The following CACNA2D1 variants were observed in gnomAD, a reference collection of about 807,000 sequenced individuals.
CACNA2D1 encodes voltage-dependent calcium channel subunit alpha-2/delta-1.
A neutral mutation model predicts 171.5 loss-of-function variants in CACNA2D1; 53 were observed. The observed-to-expected ratio is 0.31, with a 90% CI of 0.25 to 0.39. The LOEUF is 0.39. CACNA2D1 is among the 10% of genes least tolerant of loss of function. The pLI, the probability that CACNA2D1 is intolerant of heterozygous loss-of-function variation, is 1.00. For synonymous variants in CACNA2D1, 442 were observed against 443.1 expected (o/e 1.00, Z 0.03); for missense variants, 903 against 1,299.8 (o/e 0.69, Z 4.69).
intron 6 of CACNA2D1, among the ~76,000 whole-genome samples, chr7:82,102,317 G>A (rs1812771401): frequency 6.6e-6 from 1 of 151,950 alleles, no homozygotes. Flanking sequence ...AAAAAATCCT[G>A]AGAAGCAGAG....
intron 1 of CACNA2D1, among the ~76,000 whole-genome samples, chr7:82,366,878 C>T (rs1337877638): frequency 7.1e-6 from 1 of 140,502 alleles, no homozygotes; most frequent in Non-Finnish European, 1.6e-5. Flanking sequence ...CCTCCACAGC[C>T]CTGCCAGCAT....
Position 82,282,394 on chromosome 7 carries a change from G to GA in CACNA2D1, c.294+52740dup, listed in dbSNP as rs1386554338. Among the ~76,000 whole-genome samples the GA allele has an allele frequency of 1.3e-5, 2 of 152,174 alleles. 1 individual carries two copies. The highest frequency in any genetic ancestry group is 2.9e-5 in the Non-Finnish European group (2 of 68,030). On this transcript the variant is annotated intron_variant, in intron 3 of 38. Transcript: ENST00000356860. ...AGGGAAGTTGGGGAATATCGGAATT[G>GA]AAAATACCCAGTATGCTCCCAACAA...
chr7:81,951,314 A>C (rs2129949175), intron 38 of CACNA2D1, among the ~76,000 whole-genome samples: 1 of 152,180 alleles, frequency 6.6e-6, no homozygotes, highest in Non-Finnish European at 1.5e-5. Context: ...ATTCCTTTTA[A>C]CATAGTGAAT....
intron 3 of CACNA2D1, among the ~76,000 whole-genome samples, chr7:82,325,510 T>G (rs1217252522): frequency 6.6e-6 from 1 of 152,108 alleles, no homozygotes; most frequent in East Asian, 1.9e-4. Context: ...ACAGACTGCT[T>G]TGATTTAACT....
intron 3 of CACNA2D1, among the ~76,000 whole-genome samples, chr7:82,308,387 G>T (rs1477171154): frequency 6.6e-6 from 1 of 152,178 alleles, no homozygotes; most frequent in South Asian, 2.1e-4. Context: ...CACAGCGAAG[G>T]TGCCATTGTC....
chr7:82,287,735 T>C (rs570188355), intron 3 of CACNA2D1, among the ~76,000 whole-genome samples: 2 of 152,276 alleles, frequency 1.3e-5, no homozygotes, highest in East Asian at 3.9e-4. Context: ...ATGCAGACAA[T>C]TAAAATAATG....
At chr7:82,138,845 T>C (rs1352846702) in intron 4 of CACNA2D1, among the ~76,000 whole-genome samples, 1 of 152,204 alleles carries the variant, frequency 6.6e-6, no homozygotes, top group Non-Finnish European at 1.5e-5. Context: ...ACTAGTTTAT[T>C]GATCCTGCTT....
chr7:82,082,342 A>G (rs969682766), intron 7 of CACNA2D1, among the ~76,000 whole-genome samples: 2 of 152,152 alleles, frequency 1.3e-5, no homozygotes, highest in Non-Finnish European at 2.9e-5. Flanking sequence ...TTATTGAGCA[A>G]TGAGAAAGCT....
At chr7:82,116,989 CAT>C in intron 6 of CACNA2D1, 53 bp downstream of exon 6, 3 of 1,595,286 alleles carry the variant, frequency 1.9e-6, no homozygotes, top group Non-Finnish European at 2.6e-6. Flanking sequence ...ACATGGGAAA[CAT>C]AAGACAGGCG....
At chr7:82,178,810 C>T (rs766477961) in intron 3 of CACNA2D1, among the ~76,000 whole-genome samples, 1 of 152,104 alleles carries the variant, frequency 6.6e-6, no homozygotes, top group Non-Finnish European at 1.5e-5. Flanking sequence ...AATTCGCCCT[C>T]CCTCTAAATC....
At chr7:82,193,480 T>G (rs886233798) in intron 3 of CACNA2D1, among the ~76,000 whole-genome samples, 1 of 152,118 alleles carries the variant, frequency 6.6e-6, no homozygotes, top group South Asian at 2.1e-4. Context: ...TATTTAAGTC[T>G]AAAAAGATTA....
intron 3 of CACNA2D1, among the ~76,000 whole-genome samples, chr7:82,328,025 G>A (rs1816861106): frequency 6.6e-6 from 1 of 152,120 alleles, no homozygotes; most frequent in African/African-American, 2.4e-5. Flanking sequence ...CCATCTCACT[G>A]CCTTGTTTTT....
chr7:82,156,907 T>C (rs893009092), intron 4 of CACNA2D1, among the ~76,000 whole-genome samples: 1 of 152,152 alleles, frequency 6.6e-6, no homozygotes, highest in African/African-American at 2.4e-5. Context: ...AAATTTCCTA[T>C]CAAACCACAC....
intron 12 of CACNA2D1, chr7:82,021,115 C>A (rs1801150598): frequency 6.6e-6 from 1 of 152,006 alleles, no homozygotes; most frequent in South Asian, 2.1e-4. Context: ...TCTCTATATG[C>A]ATTTAGTACT....
At chr7:82,283,840 T>C (rs150828191) in intron 3 of CACNA2D1, among the ~76,000 whole-genome samples, 112 of 152,098 alleles carry the variant, frequency 7.4e-4, no homozygotes, top group African/African-American at 2.5e-3. Context: ...AATGAGAACA[T>C]GATTCTAGAA....
At chr7:82,389,454 T>C (rs1319092974) in intron 1 of CACNA2D1, among the ~76,000 whole-genome samples, 5 of 152,160 alleles carry the variant, frequency 3.3e-5, no homozygotes, top group Non-Finnish European at 5.9e-5. Context: ...TTCATAAAGA[T>C]GTCCTGAGTT....
chr7:82,349,318 C>T (rs184879974), intron 2 of CACNA2D1, among the ~76,000 whole-genome samples: 5 of 152,042 alleles, frequency 3.3e-5, no homozygotes, highest in South Asian at 4.1e-4. Context: ...ATACATAACA[C>T]GCAGACTCAC....
chr7:81,986,286 A>T (rs866291537), intron 21 of CACNA2D1, among the ~76,000 whole-genome samples: 1 of 152,130 alleles, frequency 6.6e-6, no homozygotes, highest in Non-Finnish European at 1.5e-5. Flanking sequence ...AGCTAGCTCA[A>T]ATTTTAGTAA....
intron 2 of CACNA2D1, among the ~76,000 whole-genome samples, chr7:82,336,674 G>A (rs1818040650): frequency 6.6e-6 from 1 of 152,170 alleles, no homozygotes; most frequent in Non-Finnish European, 1.5e-5. Flanking sequence ...TATCATCCAT[G>A]AAGAACTTCA....
Sources: gnomAD v4.1 joint callset for allele counts (sites outside exome capture counted in the v4.1 genomes callset) on GRCh38, gnomAD v4.1.1 for gene constraint, MANE v1.5 for transcripts, NCBI Gene and HGNC (gene_info 2026-07-23, HGNC 2026-07-21) for gene names.